STK32B: variants seen among roughly 807,000 people sequenced by gnomAD.
STK32B encodes the protein serine/threonine-protein kinase 32B.
Under a neutral mutation model 52.6 loss-of-function variants are expected in STK32B, and 43 were observed. That is an observed-to-expected ratio of 0.82 (90% CI 0.64 to 1.05). The LOEUF (loss-of-function observed/expected upper bound fraction) is 1.05. Ranked by LOEUF, STK32B falls within the 50% of genes least tolerant of loss-of-function variation. The pLI, the probability that STK32B is intolerant of heterozygous loss-of-function variation, is 0.00. For missense variants in STK32B, 621 were observed against 534.6 expected (o/e 1.16, Z -1.59); for synonymous variants, 238 against 204.3 (o/e 1.17, Z -1.41).
chr4:5,455,082 C>G (rs1577532102), intron 7 of STK32B, among the ~76,000 whole-genome samples: 1 of 152,174 alleles, frequency 6.6e-6, no homozygotes. Flanking sequence ...AAAAAGCTCC[C>G]TTCTGGGTGT....
chr4:5,389,734 C>T (rs936062614), intron 4 of STK32B, among the ~76,000 whole-genome samples: 5 of 152,170 alleles, frequency 3.3e-5, no homozygotes, highest in Non-Finnish European at 7.3e-5. Context: ...AATGCCCCCC[C>T]CAAAGATGCC....
At chr4:5,419,460 C>T (rs1712444892) in intron 6 of STK32B, among the ~76,000 whole-genome samples, 1 of 152,194 alleles carries the variant, frequency 6.6e-6, no homozygotes, top group Non-Finnish European at 1.5e-5. Flanking sequence ...CTTCAGTCTC[C>T]TTCAGAATTT....
chr4:5,264,743 C>T (rs1202247476), intron 3 of STK32B, among the ~76,000 whole-genome samples: 2 of 151,874 alleles, frequency 1.3e-5, no homozygotes, highest in Non-Finnish European at 2.9e-5. Flanking sequence ...GCCAAGATTG[C>T]GCCACTGCAC....
intron 4 of STK32B, among the ~76,000 whole-genome samples, chr4:5,355,272 G>A (rs28558134): frequency 0.019 from 2,931 of 152,170 alleles, 40 homozygotes; most frequent in South Asian, 0.057. Flanking sequence ...TGCTATTATC[G>A]TTATAATATA....
rs144342131 is a variant in STK32B, at chr4:5,251,517, G to T, written c.261-79703G>T. Among the ~76,000 whole-genome samples, 301 of 152,202 alleles carry T rather than the reference G, an allele frequency of 2.0e-3. 1 individual carries two copies. Among genetic ancestry groups the T allele is most frequent in the African/African-American group, 6.9e-3 (286 of 41,552 alleles). Reference sequence around the variant, plus strand: ...TAGTTTGAAGTCAGGTAAGCATGAAGCCTCCAGTTTTGTTCTTTTTGCTTA... The same window carrying T: ...TAGTTTGAAGTCAGGTAAGCATGAATCCTCCAGTTTTGTTCTTTTTGCTTA... On this transcript the variant is annotated intron_variant, in intron 3 of 11. Coordinates refer to ENST00000282908, the MANE Select transcript of STK32B (RefSeq NM_018401.3).
intron 3 of STK32B, among the ~76,000 whole-genome samples, chr4:5,289,361 T>A (rs1189042891): frequency 6.6e-6 from 1 of 152,188 alleles, no homozygotes; most frequent in East Asian, 1.9e-4. Flanking sequence ...GGTGAGTGAA[T>A]GTGAGGGTCA....
At chr4:5,337,889 TG>T (rs566423469) in intron 4 of STK32B, among the ~76,000 whole-genome samples, 55 of 152,190 alleles carry the variant, frequency 3.6e-4, no homozygotes, top group African/African-American at 1.2e-3. Context: ...ATTGAGAAAC[TG>T]GGGAAATGGG....
At chr4:5,372,968 A>G (rs956351313) in intron 4 of STK32B, among the ~76,000 whole-genome samples, 1 of 152,148 alleles carries the variant, frequency 6.6e-6, no homozygotes, top group Non-Finnish European at 1.5e-5. Flanking sequence ...GTCAATAAAG[A>G]TTGAATATTG....
rs555734377 is a variant in STK32B at position 5,399,330 on chromosome 4, G to A, written c.472+1086G>A. 8.5e-5 allele frequency among the ~76,000 whole-genome samples: 13 copies of A among 152,258 alleles called. No individual in the cohort carries two copies. The highest frequency in any genetic ancestry group is 1.7e-4 in the African/African-American group (7 of 41,544). On this transcript the variant is annotated intron_variant, in intron 5 of 11. Coordinates refer to ENST00000282908, the MANE Select transcript of STK32B (RefSeq NM_018401.3). The surrounding 1 kb of genome is among the most constrained non-coding windows in gnomAD (Gnocchi z 5.4). ...TCCTTCCCCACCTCTGCAGGCTGAG[G>A]TCATGGTTCTATCTCAGAGCTCCTC...
At chr4:5,418,685 T>G (rs898745460) in intron 6 of STK32B, among the ~76,000 whole-genome samples, 1 of 152,238 alleles carries the variant, frequency 6.6e-6, no homozygotes, top group African/African-American at 2.4e-5. Flanking sequence ...GGCTGAACTC[T>G]CTGCTGCTGT....
chr4:5,023,162 C>G, the STK32B span, among the ~76,000 whole-genome samples: 31 of 152,072 alleles, frequency 2.0e-4, no homozygotes, highest in Non-Finnish European at 1.3e-4. Flanking sequence ...AGAAAGATTC[C>G]TGCCTAGGGC....
intron 1 of STK32B, among the ~76,000 whole-genome samples, chr4:5,099,759 AG>A (rs1458743329): frequency 6.6e-6 from 1 of 152,140 alleles, no homozygotes; most frequent in Non-Finnish European, 1.5e-5. Flanking sequence ...GGTGATACCC[AG>A]CTCGGCTGCC....
intron 3 of STK32B, among the ~76,000 whole-genome samples, chr4:5,325,408 G>A (rs1038656948): frequency 3.3e-5 from 5 of 152,050 alleles, no homozygotes; most frequent in African/African-American, 9.7e-5. Flanking sequence ...GGAGATTTGA[G>A]ACACATTGAT....
chr4:5,144,238 T>C (rs1324521382), intron 2 of STK32B, among the ~76,000 whole-genome samples: 1 of 152,148 alleles, frequency 6.6e-6, no homozygotes, highest in Non-Finnish European at 1.5e-5. Context: ...ATGCATGCAC[T>C]TTGAGTCTCT....
intron 2 of STK32B, among the ~76,000 whole-genome samples, chr4:5,156,496 C>T (rs1277813899): frequency 6.6e-6 from 1 of 152,158 alleles, no homozygotes; most frequent in South Asian, 2.1e-4. Context: ...CCATTGGCTC[C>T]TCTTGACCCC....
intron 3 of STK32B, among the ~76,000 whole-genome samples, chr4:5,317,174 TATA>T (rs1731039639): frequency 1.8e-5 from 1 of 54,764 alleles, no homozygotes; most frequent in Non-Finnish European, 2.5e-5. Context: ...ATATATAACA[TATA>T]ATATATATAT....
At chr4:5,048,589 G>T (rs1323379995), upstream of STK32B, among the ~76,000 whole-genome samples, 3 of 152,108 alleles carry the variant, frequency 2.0e-5, no homozygotes, top group Non-Finnish European at 4.4e-5. Context: ...GAGCCACCGT[G>T]CCTGGCCTAA....
At chr4:5,498,355 A>G (rs1330184833) in intron 11 of STK32B, among the ~76,000 whole-genome samples, 2 of 152,166 alleles carry the variant, frequency 1.3e-5, no homozygotes, top group African/African-American at 4.8e-5. Context: ...TACCCCCTCA[A>G]CATAGTTTGT....
intron 3 of STK32B, among the ~76,000 whole-genome samples, chr4:5,208,253 A>G (rs987848593): frequency 1.3e-5 from 2 of 152,172 alleles, no homozygotes; most frequent in Admixed American, 6.5e-5. Flanking sequence ...AGTTAGTTAC[A>G]TGGCTTCCTC....
Sources: allele counts gnomAD v4.1 joint callset (sites outside exome capture counted in the v4.1 genomes callset), GRCh38; gene constraint gnomAD v4.1.1; non-coding constraint Gnocchi (gnomAD v3.1); transcripts MANE v1.5; gene names NCBI Gene and HGNC (gene_info 2026-07-23, HGNC 2026-07-21).